Variants in UBP1 observed in about 807,000 individuals in gnomAD.
UBP1 encodes the protein upstream binding protein 1.
In UBP1, 22 loss-of-function variants were observed where a neutral mutation model predicts 76.1. The observed-to-expected ratio is 0.29, with a 90% CI of 0.21 to 0.41. UBP1 has a LOEUF of 0.41. Among genes scored for constraint, UBP1 ranks in the 10% least tolerant of loss-of-function variants. UBP1 has a pLI of 1.00. For missense variants in UBP1, 436 were observed against 668.1 expected (o/e 0.65, Z 3.83); for synonymous variants, 224 against 237.1 (o/e 0.94, Z 0.51).
intron 14 of UBP1, 47 bp downstream of exon 14, chr3:33,393,265 A>C (rs375713326): frequency 1.3e-6 from 2 of 1,540,532 alleles, no homozygotes; most frequent in Admixed American, 2.1e-5. Context: ...TTACATGTAT[A>C]AAAGTAAATA....
intron 1 of UBP1, among the ~76,000 whole-genome samples, chr3:33,429,415 C>A (rs989830049): frequency 6.6e-6 from 1 of 151,852 alleles, no homozygotes; most frequent in African/African-American, 2.4e-5. Context: ...GTGGCATGAT[C>A]ATGGCTCACT....
chr3:33,433,717 A>C (rs1269847246), intron 1 of UBP1, among the ~76,000 whole-genome samples: 1 of 152,086 alleles, frequency 6.6e-6, no homozygotes, highest in Non-Finnish European at 1.5e-5. Flanking sequence ...GATCTGTCCC[A>C]AAACAAGCAA....
At chr3:33,401,747 A>G (rs2044236968) in intron 9 of UBP1, among the ~76,000 whole-genome samples, 1 of 152,244 alleles carries the variant, frequency 6.6e-6, no homozygotes, top group African/African-American at 2.4e-5. Context: ...AACACTTAGA[A>G]CAGTGCTGGG....
At chr3:33,425,971 G>T (rs1261284166) in intron 1 of UBP1, among the ~76,000 whole-genome samples, 1 of 139,942 alleles carries the variant, frequency 7.1e-6, no homozygotes, top group Admixed American at 7.2e-5. Flanking sequence ...GGTGGGAAGT[G>T]GGGGAGGGCG....
chr3:33,391,429 C>T (rs1209532310), intron 15 of UBP1: 2 of 152,154 alleles, frequency 1.3e-5, no homozygotes, highest in Non-Finnish European at 2.9e-5. Flanking sequence ...CCTAAATGAC[C>T]TTAACAACTT....
At chr3:33,430,398 G>C (rs186363913) in intron 1 of UBP1, among the ~76,000 whole-genome samples, 26 of 152,280 alleles carry the variant, frequency 1.7e-4, no homozygotes, top group Admixed American at 1.5e-3. Context: ...CCACTGACAG[G>C]TAGGGCTCCC....
In UBP1 at chr3:33,409,516, T is replaced by C. The variant is rs1227229183; in HGVS notation, c.641A>G (p.Lys214Arg). Reference protein sequence around the residue: ...VPFRIQVDTFKQNENGEYTDH... With the variant: ...VPFRIQVDTFRQNENGEYTDH... Reference sequence around the variant, plus strand: ...TGTGTATTCTCCATTTTCATTCTGCTTAAAGGTGTCAACCTGGATCCTAAA... The same window carrying C: ...TGTGTATTCTCCATTTTCATTCTGCCTAAAGGTGTCAACCTGGATCCTAAA... Residue 214 changes from lysine (K) to arginine (R), a missense_variant, in exon 6 of 16, where the codon AAG (lysine) becomes AGG (arginine). Coordinates refer to ENST00000283629, the MANE Select transcript of UBP1 (RefSeq NM_014517.5). 6.2e-7 allele frequency: 1 copy of C among 1,614,194 alleles called. No homozygotes were observed. The highest frequency in any genetic ancestry group is 8.5e-7 in the Non-Finnish European group (1 of 1,180,014).
intron 7 of UBP1, 38 bp downstream of exon 7, chr3:33,409,198 T>C (rs1345322337): frequency 1.3e-6 from 2 of 1,596,602 alleles, no homozygotes; most frequent in Non-Finnish European, 8.6e-7. Context: ...TATGCAACCT[T>C]TGCTTCTCTT....
intron 1 of UBP1, among the ~76,000 whole-genome samples, chr3:33,438,630 C>G (rs2045238281): frequency 6.6e-6 from 1 of 152,178 alleles, no homozygotes; most frequent in Non-Finnish European, 1.5e-5. Flanking sequence ...TGGGGAACTC[C>G]AGGTTTAATA....
intron 1 of UBP1, among the ~76,000 whole-genome samples, chr3:33,432,904 T>C (rs1559693755): frequency 6.6e-6 from 1 of 152,194 alleles, no homozygotes; most frequent in African/African-American, 2.4e-5. Context: ...GGGTGAAGGG[T>C]ACATGTGAAC....
At chr3:33,398,800 C>T (rs2044110368) in intron 11 of UBP1, among the ~76,000 whole-genome samples, 1 of 152,198 alleles carries the variant, frequency 6.6e-6, no homozygotes. Flanking sequence ...AATGTCGGCG[C>T]TTTTTCTATG....
chr3:33,423,894 G>A (rs748831484), intron 2 of UBP1, among the ~76,000 whole-genome samples: 11 of 152,130 alleles, frequency 7.2e-5, no homozygotes, highest in African/African-American at 2.2e-4. Flanking sequence ...GACTTTTATC[G>A]ATATGAAATA....
At chr3:33,424,248 A>C (rs1197747328) in intron 2 of UBP1, among the ~76,000 whole-genome samples, 2 of 152,342 alleles carry the variant, frequency 1.3e-5, no homozygotes, top group East Asian at 3.9e-4. Flanking sequence ...TAAATATAAA[A>C]ACAAACAGGG....
intron 2 of UBP1, among the ~76,000 whole-genome samples, chr3:33,417,618 A>T (rs2044762928): frequency 6.6e-6 from 1 of 152,236 alleles, no homozygotes. Flanking sequence ...AGATATTCAC[A>T]CATCAATCTA....
rs545804207 is a variant in UBP1 at position 33,412,842 on chromosome 3, C to T, written c.343-15G>A. 3.1e-5 allele frequency: 48 copies of T among 1,568,808 alleles called. No individual in the cohort carries two copies. The highest frequency in any genetic ancestry group is 3.3e-4 in the Middle Eastern group (2 of 5,980). The stretch of plus-strand genomic sequence containing the variant: ...CTTATGATGCTCTGTGGAATAAGTG[C>T]GGAAAATGAGTACTTTTAAACTGCT... On this transcript the variant is annotated splice_polypyrimidine_tract_variant and intron_variant, in intron 3 of 15. Transcript: ENST00000283629.
chr3:33,415,243 T>C (rs565253380), intron 3 of UBP1, among the ~76,000 whole-genome samples: 12 of 152,366 alleles, frequency 7.9e-5, no homozygotes, highest in Non-Finnish European at 1.0e-4. Flanking sequence ...TTGTCTCCAC[T>C]GATAAATGAC....
Position 33,439,736 on chromosome 3 carries a change from C to G in UBP1, c.113G>C (p.Ser38Thr). The G allele has an allele frequency of 6.2e-7, 1 of 1,612,052 alleles. No homozygotes were observed. The highest frequency in any genetic ancestry group is 8.5e-7 in the Non-Finnish European group (1 of 1,179,366). Residue 38 changes from serine to threonine, a missense_variant and splice_region_variant, in exon 1 of 16, where the codon AGT becomes ACT. By Grantham distance (58) the Ser-to-Thr change is moderately conservative. This residue lies in a region of UBP1 where 161 missense variants were observed against 237.9 expected (regional missense o/e 0.68). Coordinates refer to ENST00000283629, the MANE Select transcript of UBP1 (RefSeq NM_014517.5). ...TCTCCCCGCCCAGGGAGCCCAGTACCTCATGCTGTAAGCGCCGGCGCCCAG... is the reference window on the plus strand; with the variant it reads ...TCTCCCCGCCCAGGGAGCCCAGTACGTCATGCTGTAAGCGCCGGCGCCCAG... ...QELGAGAYSM[S>T]DVLALPIFKQ...
At chr3:33,407,344 C>T (rs114894012) in intron 8 of UBP1, among the ~76,000 whole-genome samples, 122 of 152,136 alleles carry the variant, frequency 8.0e-4, no homozygotes, top group African/African-American at 2.6e-3. Context: ...TAGGAATTAC[C>T]AGAACCTACT....
chr3:33,411,465 C>T, intron 5 of UBP1, 116 bp downstream of exon 5: 1 of 881,286 alleles, frequency 1.1e-6, no homozygotes, highest in Non-Finnish European at 1.8e-6. Flanking sequence ...TAGAAAGACA[C>T]TACAACATAG....
Sources: allele counts gnomAD v4.1 joint callset (sites outside exome capture counted in the v4.1 genomes callset), GRCh38; gene constraint gnomAD v4.1.1; regional missense constraint gnomAD v4.1.1; transcripts MANE v1.5; gene names NCBI Gene and HGNC (gene_info 2026-07-23, HGNC 2026-07-21).